KIAA1671: variants seen among roughly 807,000 people sequenced by gnomAD.
KIAA1671 encodes the protein KIAA1671.
A neutral mutation model predicts 131.2 loss-of-function variants in KIAA1671; 52 were observed. The observed-to-expected ratio is 0.40, with a 90% CI of 0.32 to 0.50. The LOEUF (loss-of-function observed/expected upper bound fraction) is 0.50. KIAA1671 is among the 20% of genes least tolerant of loss of function. KIAA1671 has a pLI of 0.73. For missense variants in KIAA1671, 2,360 were observed against 2,364.2 expected (o/e 1.00, Z 0.04); for synonymous variants, 1,003 against 961.6 (o/e 1.04, Z -0.80).
At chr22:24,978,456 G>T (rs2123825065) in intron 1 of KIAA1671, among the ~76,000 whole-genome samples, 1 of 152,200 alleles carries the variant, frequency 6.6e-6, no homozygotes, top group African/African-American at 2.4e-5. Flanking sequence ...GCATGAAAAT[G>T]GACTCGTACA....
intron 6 of KIAA1671, among the ~76,000 whole-genome samples, chr22:25,123,467 C>T (rs976271195): frequency 6.6e-6 from 1 of 152,186 alleles, no homozygotes; most frequent in African/African-American, 2.4e-5. Flanking sequence ...GCTGGGATTA[C>T]AGGCGTGAGC....
At chr22:25,062,452 C>G (rs1928208278) in intron 6 of KIAA1671, 1 of 152,328 alleles carries the variant, frequency 6.6e-6, no homozygotes, top group Admixed American at 6.5e-5. Context: ...GGCACTCCCC[C>G]CAGCCCCCAC....
intron 8 of KIAA1671, chr22:25,174,694 T>G (rs1250637986): frequency 7.8e-6 from 4 of 509,836 alleles, no homozygotes; most frequent in Non-Finnish European, 1.3e-5. Flanking sequence ...TCTTCACCTC[T>G]CTGAGCCTCA....
chr22:24,957,542 A>G (rs1467757340), intron 1 of KIAA1671, among the ~76,000 whole-genome samples: 1 of 152,098 alleles, frequency 6.6e-6, no homozygotes, highest in Non-Finnish European at 1.5e-5. Flanking sequence ...GAACCTAGAT[A>G]AGCCATGTCC....
intron 6 of KIAA1671, among the ~76,000 whole-genome samples, chr22:25,119,330 C>G (rs1931827031): frequency 6.6e-6 from 1 of 152,176 alleles, no homozygotes; most frequent in South Asian, 2.1e-4. Flanking sequence ...TGCTCCCAGT[C>G]TCATCTGATC....
chr22:24,953,615 C>T (rs908392879), intron 1 of KIAA1671, among the ~76,000 whole-genome samples: 8 of 151,970 alleles, frequency 5.3e-5, no homozygotes, highest in African/African-American at 1.4e-4. Context: ...CCCGGGCTCA[C>T]GGGTGGGGCC....
At chr22:25,107,709 G>C (rs1931093362) in intron 6 of KIAA1671, among the ~76,000 whole-genome samples, 1 of 151,532 alleles carries the variant, frequency 6.6e-6, no homozygotes, top group Non-Finnish European at 1.5e-5. Context: ...GTGTGTGTGT[G>C]CATTTCAAAA....
rs1300145097 is a variant in KIAA1671 at position 25,028,621 on chromosome 22, C to T, written c.622C>T (p.Pro208Ser). The change falls in exon 3 of 13, where the codon CCC becomes TCC. Residue 208 changes from proline to serine, a missense_variant. Transcript: ENST00000358431. Reference protein sequence around the residue: ...PLSQDTKPPVPQEEAGQDHPP... With the variant: ...PLSQDTKPPVSQEEAGQDHPP... ...GTCTCAGGACACAAAACCACCTGTACCCCAAGAGGAGGCAGGCCAAGACCA... is the reference window on the plus strand; with the variant it reads ...GTCTCAGGACACAAAACCACCTGTATCCCAAGAGGAGGCAGGCCAAGACCA... The T allele has an allele frequency of 6.8e-7, 1 of 1,470,054 alleles. No individual in the cohort carries two copies. The allele number at this position is 1,470,054 out of a possible 1,614,324, so 91.1% of individuals were successfully genotyped here. A position where few individuals can be genotyped will look rare whatever the true frequency, so the allele number is the denominator to read the frequency against.
At chr22:25,098,632 G>T (rs1406772107) in intron 6 of KIAA1671, among the ~76,000 whole-genome samples, 1 of 139,460 alleles carries the variant, frequency 7.2e-6, no homozygotes, top group Non-Finnish European at 1.5e-5. Context: ...TGGAGGGGGC[G>T]GGGGGGGGTT....
rs370051640 is a variant in KIAA1671 at position 25,099,628 on chromosome 22, C to G, written c.4530+50264C>G. 2.8e-5 allele frequency among the ~76,000 whole-genome samples: 4 copies of G among 140,502 alleles called. No homozygotes were observed. The East Asian group carries it at 9.5e-4, about 33-fold the overall frequency. The allele number at this position is 140,502 out of a possible 152,430, so 92.2% of individuals were successfully genotyped here. On this transcript the variant is annotated intron_variant, in intron 6 of 12. Transcript: ENST00000358431. Reference sequence around the variant, plus strand: ...GGAGTGCAGTGGTGCAACCTTGGCTCACTGCAACCTCTGCCTCCCGGGTTC... The same window carrying G: ...GGAGTGCAGTGGTGCAACCTTGGCTGACTGCAACCTCTGCCTCCCGGGTTC...
intron 6 of KIAA1671, among the ~76,000 whole-genome samples, chr22:25,142,070 G>T (rs1484992588): frequency 6.6e-6 from 1 of 152,194 alleles, no homozygotes; most frequent in Non-Finnish European, 1.5e-5. Context: ...ATGGTTGCTT[G>T]TTCAAGATTA....
chr22:25,120,699 A>G (rs1026117487), intron 6 of KIAA1671, among the ~76,000 whole-genome samples: 1 of 152,202 alleles, frequency 6.6e-6, no homozygotes, highest in African/African-American at 2.4e-5. Context: ...ATTGGAATGC[A>G]TTTCCTTCTT....
chr22:25,181,189 C>CT (rs1181450640), intron 9 of KIAA1671, among the ~76,000 whole-genome samples: 1 of 152,178 alleles, frequency 6.6e-6, no homozygotes, highest in Admixed American at 6.5e-5. Flanking sequence ...CACCCAAAAG[C>CT]TTGAGTGATC....
At chr22:24,968,074 C>A (rs1922400662) in intron 1 of KIAA1671, among the ~76,000 whole-genome samples, 1 of 152,148 alleles carries the variant, frequency 6.6e-6, no homozygotes, top group African/African-American at 2.4e-5. Context: ...AGGCGAGGTG[C>A]CTGGTTACTG....
At chr22:25,057,329 C>G (rs1927896378) in intron 6 of KIAA1671, 1 of 152,272 alleles carries the variant, frequency 6.6e-6, no homozygotes, top group East Asian at 1.9e-4. Flanking sequence ...TCCCAGGGAC[C>G]AAGGCCACGC....
At chr22:25,161,497 G>A (rs1449359846) in intron 6 of KIAA1671, among the ~76,000 whole-genome samples, 2 of 152,294 alleles carry the variant, frequency 1.3e-5, no homozygotes, top group East Asian at 1.9e-4. Context: ...TGTGAGGATC[G>A]CGTGGCCAAA....
chr22:24,987,147 A>G (rs1323195700), intron 1 of KIAA1671, among the ~76,000 whole-genome samples: 1 of 151,000 alleles, frequency 6.6e-6, no homozygotes, highest in African/African-American at 2.4e-5. Flanking sequence ...ATTTTTTTCC[A>G]ATGATTTATT....
intron 6 of KIAA1671, among the ~76,000 whole-genome samples, chr22:25,168,830 T>C (rs1601377459): frequency 6.6e-6 from 1 of 151,924 alleles, no homozygotes; most frequent in South Asian, 2.1e-4. Flanking sequence ...GTGGGTATGG[T>C]ATGTAGTAAG....
chr22:25,108,239 T>C (rs759307568), intron 6 of KIAA1671, among the ~76,000 whole-genome samples: 1 of 152,208 alleles, frequency 6.6e-6, no homozygotes, highest in East Asian at 1.9e-4. Flanking sequence ...TATTTTGATT[T>C]AACATTTTTC....
Sources: allele counts gnomAD v4.1 joint callset (sites outside exome capture counted in the v4.1 genomes callset), GRCh38; gene constraint gnomAD v4.1.1; transcripts MANE v1.5; gene names NCBI Gene and HGNC (gene_info 2026-07-23, HGNC 2026-07-21).